The following MAP2K4 variants were observed in gnomAD, a reference collection of about 807,000 sequenced individuals.
The protein encoded by MAP2K4 is dual specificity mitogen-activated protein kinase kinase 4.
MAP2K4 carries 4 observed loss-of-function variants against 48.5 expected under a neutral mutation model. That is an observed-to-expected ratio of 0.08 (90% confidence interval 0.04 to 0.19). MAP2K4 has a LOEUF of 0.19. Among genes scored for constraint, MAP2K4 ranks in the 10% least tolerant of loss-of-function variants. The pLI, the probability that MAP2K4 is intolerant of heterozygous loss-of-function variation, is 1.00. For synonymous variants in MAP2K4, 166 were observed against 173.1 expected, an observed-to-expected ratio of 0.96 and a Z score of 0.32; for missense variants, 258 against 493.3, an observed-to-expected ratio of 0.52 and a Z score of 4.52.
intron 7 of MAP2K4, among the ~76,000 whole-genome samples, chr17:12,120,618 A>G (rs1404804112): frequency 6.6e-6 from 1 of 151,292 alleles, no homozygotes; most frequent in East Asian, 2.0e-4. Context: ...TGCATTCATA[A>G]CACAAGAAGA....
At chr17:12,086,570 A>T (rs1971369410) in intron 3 of MAP2K4, among the ~76,000 whole-genome samples, 1 of 152,176 alleles carries the variant, frequency 6.6e-6, no homozygotes, top group Non-Finnish European at 1.5e-5. Context: ...GTTCGGGGTT[A>T]TGTGAGGGTG....
At chr17:12,031,260 G>A (rs182453878) in intron 1 of MAP2K4, among the ~76,000 whole-genome samples, 2 of 152,258 alleles carry the variant, frequency 1.3e-5, no homozygotes, top group Admixed American at 1.3e-4. Context: ...GCATTTTTCA[G>A]TTTTTGTACT....
At chr17:12,085,698 T>G (rs775710199) in intron 3 of MAP2K4, among the ~76,000 whole-genome samples, 49 of 152,092 alleles carry the variant, frequency 3.2e-4, no homozygotes, top group Admixed American at 1.5e-3. Context: ...GTCCTTGACC[T>G]GGAGTTGAGA....
chr17:12,068,676 A>G (rs1423604923), intron 2 of MAP2K4, among the ~76,000 whole-genome samples: 1 of 151,990 alleles, frequency 6.6e-6, no homozygotes, highest in Non-Finnish European at 1.5e-5. Flanking sequence ...ATAGGGCAAG[A>G]TCGAGTTTTA....
intron 2 of MAP2K4, among the ~76,000 whole-genome samples, chr17:12,070,191 G>A (rs1970758469): frequency 6.6e-6 from 1 of 151,654 alleles, no homozygotes; most frequent in South Asian, 2.1e-4. Flanking sequence ...AGTGGTTCTA[G>A]GCACAAGAAG....
intron 1 of MAP2K4, among the ~76,000 whole-genome samples, chr17:12,029,275 C>T (rs566932377): frequency 6.6e-6 from 1 of 152,268 alleles, no homozygotes; most frequent in South Asian, 2.1e-4. Flanking sequence ...TATAGGCTTA[C>T]TAGCATTCTG....
intron 7 of MAP2K4, chr17:12,115,936 A>G (rs868770652): frequency 1.0e-5 from 5 of 493,030 alleles, no homozygotes; most frequent in Middle Eastern, 1.2e-3. Flanking sequence ...ATCTTCTAAC[A>G]CCAGCTATGA....
At chr17:12,101,514 C>T (rs192099353) in intron 4 of MAP2K4, among the ~76,000 whole-genome samples, 4 of 151,976 alleles carry the variant, frequency 2.6e-5, no homozygotes, top group Admixed American at 2.6e-4. Context: ...ATTTTAGAAT[C>T]CACTTGTCGA....
At chr17:12,105,836 C>T (rs1196736790) in intron 4 of MAP2K4, among the ~76,000 whole-genome samples, 1 of 152,036 alleles carries the variant, frequency 6.6e-6, no homozygotes, top group Non-Finnish European at 1.5e-5. Flanking sequence ...TCTCGGTTTA[C>T]TTGTTACCTT....
chr17:12,027,821 T>G (rs558463804), intron 1 of MAP2K4, among the ~76,000 whole-genome samples: 10 of 147,612 alleles, frequency 6.8e-5, no homozygotes, highest in African/African-American at 2.5e-4. Flanking sequence ...CAGGGCTGTT[T>G]GGAGTCCTTC....
At chr17:12,107,212 T>G (rs918563963) in intron 4 of MAP2K4, among the ~76,000 whole-genome samples, 1 of 152,028 alleles carries the variant, frequency 6.6e-6, no homozygotes, top group African/African-American at 2.4e-5. Flanking sequence ...ATAAGTAAAT[T>G]ACACTTTATA....
At chr17:12,117,000 C>T (rs1972521401) in intron 7 of MAP2K4, among the ~76,000 whole-genome samples, 2 of 152,138 alleles carry the variant, frequency 1.3e-5, no homozygotes, top group East Asian at 1.9e-4. Flanking sequence ...AGGAATTTTT[C>T]AGCTCCATTA....
At chr17:12,117,694 G>A (rs1023735744) in intron 7 of MAP2K4, among the ~76,000 whole-genome samples, 2 of 152,094 alleles carry the variant, frequency 1.3e-5, no homozygotes, top group Non-Finnish European at 2.9e-5. Context: ...AGAGACAGCA[G>A]TTTGTTAAAG....
intron 1 of MAP2K4, among the ~76,000 whole-genome samples, chr17:12,022,218 T>G (rs1969100654): frequency 6.6e-6 from 1 of 152,204 alleles, no homozygotes; most frequent in Admixed American, 6.5e-5. Context: ...AGAGACAGGA[T>G]TTTATTTATC....
chr17:12,052,520 C>T (rs1970172788), intron 1 of MAP2K4, among the ~76,000 whole-genome samples: 2 of 152,132 alleles, frequency 1.3e-5, no homozygotes, highest in South Asian at 4.1e-4. Flanking sequence ...GTAAGGTTAG[C>T]TACTATTCCG....
chr17:12,042,045 G>A (rs1969803741), intron 1 of MAP2K4, among the ~76,000 whole-genome samples: 1 of 151,940 alleles, frequency 6.6e-6, no homozygotes, highest in Non-Finnish European at 1.5e-5. Context: ...GCCGGGTGTG[G>A]TGGCAAGCAC....
chr17:12,037,916 G>A (rs532227543), intron 1 of MAP2K4, among the ~76,000 whole-genome samples: 58 of 152,176 alleles, frequency 3.8e-4, no homozygotes, highest in African/African-American at 1.2e-3. Context: ...CCTTGGAAAT[G>A]GTGGGAACAT....
intron 4 of MAP2K4, among the ~76,000 whole-genome samples, chr17:12,103,409 C>T (rs193213732): frequency 2.0e-5 from 3 of 151,924 alleles, no homozygotes; most frequent in Non-Finnish European, 4.4e-5. Context: ...GAGCGGTGTT[C>T]GTTCTGATTG....
At chr17:12,126,009 G>A (rs924030191) in intron 8 of MAP2K4, among the ~76,000 whole-genome samples, 2 of 152,152 alleles carry the variant, frequency 1.3e-5, no homozygotes, top group African/African-American at 4.8e-5. Context: ...AGAGAGTGAA[G>A]GGGAAGGTGC....
Sources: gnomAD v4.1 joint callset for allele counts (sites outside exome capture counted in the v4.1 genomes callset) on GRCh38, gnomAD v4.1.1 for gene constraint, MANE v1.5 for transcripts, NCBI Gene and HGNC (gene_info 2026-07-23, HGNC 2026-07-21) for gene names.